The following DGKB variants were observed in gnomAD, a reference collection of about 807,000 sequenced individuals.
DGKB encodes the protein 90 kDa diacylglycerol kinase.
A neutral mutation model predicts 114.3 loss-of-function variants in DGKB; 67 were observed. The ratio of observed to expected loss-of-function variants is 0.59; its 90% CI spans 0.48 to 0.72. DGKB has a LOEUF of 0.72. DGKB is among the 30% of genes least tolerant of loss of function. The pLI is 0.00. For synonymous variants in DGKB, 398 were observed against 323.1 expected, an observed-to-expected ratio of 1.23 and a Z score of -2.49; for missense variants, 907 against 975.2, an observed-to-expected ratio of 0.93 and a Z score of 0.93.
At chr7:14,180,448 T>C (rs1782479634) in intron 23 of DGKB, among the ~76,000 whole-genome samples, 1 of 152,184 alleles carries the variant, frequency 6.6e-6, no homozygotes, top group Non-Finnish European at 1.5e-5. Context: ...ATTCTGCTGT[T>C]AATAATCAGT....
rs138001294 is a variant in DGKB, at chr7:14,253,225, G to A, written c.2123-75074C>T. Among the ~76,000 whole-genome samples the A allele has an allele frequency of 1.3e-4, 20 of 152,092 alleles. No individual in the cohort carries two copies. The East Asian group carries it at 3.9e-3, about 30-fold the overall frequency. ...GATTTTTGTATTTTTAGTAGAGACG[G>A]GGTTTCACCATATTGGCCAGGCTGG... On this transcript the variant is annotated intron_variant, in intron 23 of 25. Transcript: ENST00000402815.
chr7:14,769,929 C>T (rs998096895), intron 2 of DGKB, among the ~76,000 whole-genome samples: 1 of 152,080 alleles, frequency 6.6e-6, no homozygotes, highest in Non-Finnish European at 1.5e-5. Context: ...ATTATACTTA[C>T]AAATCACATC....
At chr7:14,568,295 C>T (rs78911971) in intron 20 of DGKB, among the ~76,000 whole-genome samples, 16 of 152,148 alleles carry the variant, frequency 1.1e-4, no homozygotes, top group South Asian at 1.0e-3. Flanking sequence ...GGATCATTTC[C>T]GATAGTTCTG....
chr7:14,435,157 A>G (rs1829052692), intron 21 of DGKB, among the ~76,000 whole-genome samples: 1 of 152,106 alleles, frequency 6.6e-6, no homozygotes, highest in Non-Finnish European at 1.5e-5. Flanking sequence ...CTCTACCTAA[A>G]TTAACTTTTT....
chr7:14,927,189 G>T (rs1784791155), intron 1 of DGKB, among the ~76,000 whole-genome samples: 1 of 151,912 alleles, frequency 6.6e-6, no homozygotes, highest in African/African-American at 2.4e-5. Flanking sequence ...TAGAATTTGT[G>T]GGGTCTGATT....
intron 21 of DGKB, among the ~76,000 whole-genome samples, chr7:14,454,035 C>A (rs1221161750): frequency 6.6e-6 from 1 of 152,096 alleles, no homozygotes; most frequent in Non-Finnish European, 1.5e-5. Context: ...CATAGTTACA[C>A]ACATTGCAGA....
intron 23 of DGKB, among the ~76,000 whole-genome samples, chr7:14,243,982 T>C (rs1794041061): frequency 1.3e-5 from 2 of 152,122 alleles, no homozygotes; most frequent in Admixed American, 6.6e-5. Flanking sequence ...ATTTCTCTTA[T>C]TGATATTTTC....
At chr7:14,468,947 GA>G in intron 21 of DGKB, among the ~76,000 whole-genome samples, 1 of 152,076 alleles carries the variant, frequency 6.6e-6, no homozygotes, top group South Asian at 2.1e-4. Flanking sequence ...AAATCAAGGG[GA>G]AAATATTTAA....
intron 2 of DGKB, among the ~76,000 whole-genome samples, chr7:14,776,482 G>A (rs1838208293): frequency 6.6e-6 from 1 of 152,200 alleles, no homozygotes; most frequent in African/African-American, 2.4e-5. Context: ...CCTGCTGTGT[G>A]CAGCCTAGGG....
intron 25 of DGKB, among the ~76,000 whole-genome samples, chr7:14,158,549 G>C (rs1783387601): frequency 6.6e-6 from 1 of 152,102 alleles, no homozygotes; most frequent in African/African-American, 2.4e-5. Flanking sequence ...TGGCTATTTG[G>C]AGCATCATAG....
At chr7:14,695,648 C>G (rs1372979565) in intron 8 of DGKB, among the ~76,000 whole-genome samples, 1 of 151,630 alleles carries the variant, frequency 6.6e-6, no homozygotes, top group Non-Finnish European at 1.5e-5. Context: ...TACAGGCGTC[C>G]GCCACTACGC....
chr7:14,660,585 T>A (rs1275968983), intron 13 of DGKB, among the ~76,000 whole-genome samples: 2 of 152,074 alleles, frequency 1.3e-5, no homozygotes, highest in African/African-American at 4.8e-5. Flanking sequence ...TCATTTTTAT[T>A]GCGTCTATTT....
At chr7:14,889,515 G>C (rs2066531270) in intron 1 of DGKB, among the ~76,000 whole-genome samples, 1 of 151,602 alleles carries the variant, frequency 6.6e-6, no homozygotes. Flanking sequence ...ACTTGAAAAG[G>C]AGATGGGAGA....
chr7:14,919,563 A>C (rs1784416555), intron 1 of DGKB, among the ~76,000 whole-genome samples: 1 of 152,228 alleles, frequency 6.6e-6, no homozygotes, highest in Non-Finnish European at 1.5e-5. Flanking sequence ...TGTCCCCTCC[A>C]ATCGCAAGGT....
chr7:14,395,783 TAATAAAAAAC>T (rs1822122124), intron 21 of DGKB, among the ~76,000 whole-genome samples: 1 of 151,954 alleles, frequency 6.6e-6, no homozygotes, highest in Non-Finnish European at 1.5e-5. Context: ...TATTTCACAA[TAATAAAAAAC>T]AGTGAATTTA....
intron 25 of DGKB, among the ~76,000 whole-genome samples, chr7:14,173,163 C>T (rs1368171641): frequency 1.3e-5 from 2 of 152,134 alleles, no homozygotes; most frequent in African/African-American, 4.8e-5. Flanking sequence ...ATGTTGATGG[C>T]TTTACAGTGA....
At chr7:14,351,039 C>G (rs1428861174) in intron 21 of DGKB, among the ~76,000 whole-genome samples, 1 of 151,446 alleles carries the variant, frequency 6.6e-6, no homozygotes, top group Non-Finnish European at 1.5e-5. Flanking sequence ...TATTTTAATA[C>G]TAAAACAGTC....
chr7:14,417,016 T>C (rs554854508), intron 21 of DGKB, among the ~76,000 whole-genome samples: 96 of 152,242 alleles, frequency 6.3e-4, no homozygotes, highest in Middle Eastern at 3.4e-3. Flanking sequence ...ACAGTTACTG[T>C]ACATGTTCTT....
chr7:14,329,049 C>T (rs936306921), intron 23 of DGKB, among the ~76,000 whole-genome samples: 2 of 151,682 alleles, frequency 1.3e-5, no homozygotes, highest in African/African-American at 2.4e-5. Context: ...ACAGAGTGGC[C>T]GCACACTTCC....
Sources: allele counts gnomAD v4.1 joint callset (sites outside exome capture counted in the v4.1 genomes callset), GRCh38; gene constraint gnomAD v4.1.1; transcripts MANE v1.5; gene names NCBI Gene and HGNC (gene_info 2026-07-23, HGNC 2026-07-21).